The following GRIA3 variants were observed in gnomAD, a reference collection of about 807,000 sequenced individuals.
The protein encoded by GRIA3 is glutamate receptor 3.
GRIA3 carries 3 observed loss-of-function variants against 63.0 expected under a neutral mutation model. The ratio of observed to expected loss-of-function variants is 0.05; its 90% CI spans 0.02 to 0.12. GRIA3 has a LOEUF of 0.12. Ranked by LOEUF, GRIA3 falls within the 10% of genes least tolerant of loss-of-function variation. The pLI, the probability that GRIA3 is intolerant of heterozygous loss-of-function variation, is 1.00. For missense variants in GRIA3, 347 were observed against 700.9 expected (o/e 0.50, Z 5.70); for synonymous variants, 274 against 257.9 (o/e 1.06, Z -0.60).
At chrX:123,185,769 C>A in intron 1 of GRIA3, 63 bp from the exon 2 acceptor site, 1 of 979,185 alleles carries the variant, frequency 1.0e-6, no homozygotes, top group Non-Finnish European at 1.5e-6. Context: ...TATTGTTCCC[C>A]AATTCCTAAC....
chrX:123,402,849 T>C, intron 7 of GRIA3, 145 bp from the exon 8 acceptor site: 1 of 422,268 alleles, frequency 2.4e-6, no homozygotes, highest in Non-Finnish European at 4.5e-6. Context: ...AGATCTTGTA[T>C]AGACTCGATC....
chrX:123,486,946 G>GTTAA (rs1279924447), intron 15 of GRIA3, among the ~76,000 whole-genome samples: 1 of 112,445 alleles, frequency 8.9e-6, no homozygotes, highest in East Asian at 2.8e-4. Flanking sequence ...GTGAAATCTG[G>GTTAA]TTAATAAAAG....
chrX:123,198,483 T>C (rs1361014687), intron 2 of GRIA3, among the ~76,000 whole-genome samples: 2 of 112,125 alleles, frequency 1.8e-5, no homozygotes, highest in African/African-American at 6.5e-5. Context: ...ATAGAATTAG[T>C]CAGAACCAAA....
chrX:123,410,434 G>A (rs1260331908), intron 10 of GRIA3, among the ~76,000 whole-genome samples: 1 of 112,016 alleles, frequency 8.9e-6, no homozygotes, highest in Non-Finnish European at 1.9e-5. Flanking sequence ...TGCAGGGATG[G>A]TTGATTATAG....
chrX:123,393,363 T>A lies in GRIA3; in HGVS notation c.751-1605T>A, dbSNP rs751118600. On this transcript the variant is annotated intron_variant, in intron 5 of 15. Transcript: ENST00000620443. ...GAATAAATTCACCAAGCTATACACG[T>A]AAAGATATGTGCACTTCTCTATACA... Among the ~76,000 whole-genome samples the A allele has an allele frequency of 1.2e-4, 13 of 112,629 alleles. No individual in the cohort carries two copies. In the South Asian group the frequency reaches 4.4e-3, roughly 38 times the overall value.
intron 12 of GRIA3, among the ~76,000 whole-genome samples, chrX:123,461,462 T>C (rs62607674): frequency 0.25 from 27,281 of 110,619 alleles, 2,682 homozygotes; most frequent in East Asian, 0.49. Context: ...TGTAGATGAA[T>C]AAGGTAATTT....
At chrX:123,417,989 G>A in intron 11 of GRIA3, 1 of 443,275 alleles carries the variant, frequency 2.3e-6, no homozygotes, top group East Asian at 3.9e-5. Context: ...CATTTCTATG[G>A]TATTGTATAT....
intron 2 of GRIA3, among the ~76,000 whole-genome samples, chrX:123,215,103 G>A (rs892558348): frequency 1.8e-5 from 2 of 111,947 alleles, no homozygotes; most frequent in African/African-American, 6.5e-5. Flanking sequence ...TTGATAGTTC[G>A]CCAATCTAAA....
intron 3 of GRIA3, among the ~76,000 whole-genome samples, chrX:123,289,776 C>G (rs373654773): frequency 1.8e-5 from 2 of 110,449 alleles, no homozygotes; most frequent in Non-Finnish European, 3.8e-5. Flanking sequence ...CTCCACCCCC[C>G]CAACCAAGAC....
intron 3 of GRIA3, among the ~76,000 whole-genome samples, chrX:123,268,244 T>C (rs2044499460): frequency 9.0e-6 from 1 of 111,298 alleles, no homozygotes. Context: ...ACAGAACTAT[T>C]TCACAGAAGC....
At chrX:123,450,265 A>G (rs1196110415) in intron 12 of GRIA3, among the ~76,000 whole-genome samples, 4 of 112,324 alleles carry the variant, frequency 3.6e-5, no homozygotes, top group Admixed American at 9.4e-5. Context: ...ACCTCGGAGC[A>G]TCTTGCACAG....
chrX:123,482,847 A>G lies in GRIA3; in HGVS notation c.2488A>G (p.Ile830Val). Reference protein sequence around the residue: ...SLSNVAGVFYILVGGLGLAMM... With the variant: ...SLSNVAGVFYVLVGGLGLAMM... Reference sequence around the variant, plus strand: ...GAGCAATGTGGCAGGCGTTTTCTATATACTTGTCGGAGGTCTGGGGCTGGC... The same window carrying G: ...GAGCAATGTGGCAGGCGTTTTCTATGTACTTGTCGGAGGTCTGGGGCTGGC... The change falls in exon 15 of 16, where the codon ATA (isoleucine) becomes GTA (valine). Residue 830 changes from isoleucine (I) to valine (V), a missense_variant. Ile to Val is a conservative substitution (Grantham distance 29). Around this residue, in one of 8 missense-constraint regions of GRIA3, gnomAD observed 49 missense variants for 176.6 expected, o/e 0.28. Transcript: ENST00000620443. The G allele has an allele frequency of 8.3e-7, 1 of 1,209,696 alleles. No individual in the cohort carries two copies. The highest frequency in any genetic ancestry group is 1.1e-6 in the Non-Finnish European group (1 of 893,630).
chrX:123,310,990 G>A (rs1318200645), intron 3 of GRIA3, among the ~76,000 whole-genome samples: 1 of 77,497 alleles, frequency 1.3e-5, no homozygotes, highest in Non-Finnish European at 2.4e-5. Flanking sequence ...GCAACACAGT[G>A]AGAATCTGTC....
At chrX:123,382,297 T>C (rs2045329133) in intron 5 of GRIA3, among the ~76,000 whole-genome samples, 1 of 110,852 alleles carries the variant, frequency 9.0e-6, no homozygotes, top group African/African-American at 3.3e-5. Flanking sequence ...GCTAGTGGTG[T>C]GGAGGTCTTG....
At chrX:123,481,209 C>T (rs779767816) in intron 14 of GRIA3, among the ~76,000 whole-genome samples, 4 of 111,978 alleles carry the variant, frequency 3.6e-5, no homozygotes, top group South Asian at 3.7e-4. Context: ...GGAAGGGTTA[C>T]CAGAAATTGG....
intron 4 of GRIA3, among the ~76,000 whole-genome samples, chrX:123,345,758 G>A (rs1478687337): frequency 1.8e-5 from 2 of 110,723 alleles, no homozygotes; most frequent in Admixed American, 9.7e-5. Flanking sequence ...GAGTAATGAT[G>A]CCTTTCCACG....
chrX:123,329,683 G>T (rs2044927833), intron 4 of GRIA3, among the ~76,000 whole-genome samples: 1 of 111,522 alleles, frequency 9.0e-6, no homozygotes, highest in East Asian at 2.8e-4. Context: ...TTTAGAGATG[G>T]TATATCCTGA....
At chrX:123,434,569 T>G (rs757359030) in intron 12 of GRIA3, among the ~76,000 whole-genome samples, 3 of 111,347 alleles carry the variant, frequency 2.7e-5, no homozygotes, top group South Asian at 3.8e-4. Context: ...GCTGTCTTAT[T>G]TTTTTTTAAG....
Position 123,349,277 on chromosome X carries a change from A to C in GRIA3, c.697-5633A>C, listed in dbSNP as rs767202947. Among the ~76,000 whole-genome samples the C allele has an allele frequency of 4.5e-5, 5 of 112,324 alleles. No homozygotes were observed. In the South Asian group the frequency reaches 1.9e-3, roughly 42 times the overall value. On this transcript the variant is annotated intron_variant, in intron 4 of 15. Transcript: ENST00000620443. ...TGTATTTAAATGGCTGTTTATCCCC[A>C]ATACCAATAATAATCTGTTGCTCCT...
Sources: gnomAD v4.1 joint callset for allele counts (sites outside exome capture counted in the v4.1 genomes callset) on GRCh38, gnomAD v4.1.1 for gene constraint, gnomAD v4.1.1 regional missense constraint, MANE v1.5 for transcripts, NCBI Gene and HGNC (gene_info 2026-07-23, HGNC 2026-07-21) for gene names.